CNTN5: variants seen among roughly 807,000 people sequenced by gnomAD.
CNTN5 encodes contactin-5.
In CNTN5, 77 loss-of-function variants were observed where a neutral mutation model predicts 129.1. The observed-to-expected ratio is 0.60, with a 90% CI of 0.50 to 0.72. The LOEUF (loss-of-function observed/expected upper bound fraction) is 0.72, where lower values mean the gene tolerates loss of function less well. Ranked by LOEUF, CNTN5 falls within the 30% of genes least tolerant of loss-of-function variation. CNTN5 has a pLI of 0.00. For synonymous variants in CNTN5, 509 were observed against 465.6 expected, an observed-to-expected ratio of 1.09 and a Z score of -1.20; for missense variants, 1,478 against 1,328.8, an observed-to-expected ratio of 1.11 and a Z score of -1.75.
chr11:99,706,957 A>G (rs1216198766), intron 3 of CNTN5, among the ~76,000 whole-genome samples: 1 of 151,290 alleles, frequency 6.6e-6, no homozygotes, highest in East Asian at 2.0e-4. Context: ...TTAATCTTGC[A>G]GACTATGGCT....
At chr11:100,161,357 C>CTGACT (rs1341994629) in intron 13 of CNTN5, among the ~76,000 whole-genome samples, 1 of 151,838 alleles carries the variant, frequency 6.6e-6, no homozygotes, top group Non-Finnish European at 1.5e-5. Context: ...TTCTAGCAGA[C>CTGACT]TGACTTGGTA....
At chr11:99,337,095 T>C (rs1411665517) in intron 2 of CNTN5, among the ~76,000 whole-genome samples, 1 of 152,180 alleles carries the variant, frequency 6.6e-6, no homozygotes, top group Non-Finnish European at 1.5e-5. Context: ...CTATATCTTG[T>C]CAGAGAAGGG....
At chr11:100,313,566 G>A (rs1323005837) in intron 21 of CNTN5, among the ~76,000 whole-genome samples, 1 of 152,040 alleles carries the variant, frequency 6.6e-6, no homozygotes, top group Non-Finnish European at 1.5e-5. Flanking sequence ...AAGAGGGTAA[G>A]TCAGATAGGC....
intron 1 of CNTN5, among the ~76,000 whole-genome samples, chr11:99,274,642 C>CTA (rs972022269): frequency 1.3e-5 from 2 of 151,252 alleles, no homozygotes; most frequent in South Asian, 2.1e-4. Flanking sequence ...ATAAAAACTA[C>CTA]TATATATATA....
At position 100,050,430 on chromosome 11, in the gene CNTN5, A is replaced by G. The variant is rs540644218; in HGVS notation, c.981-10782A>G. Among the ~76,000 whole-genome samples the G allele has an allele frequency of 8.1e-3, 1,224 of 150,900 alleles. 13 individuals are homozygous for G. The highest frequency in any genetic ancestry group is 0.025 in the African/African-American group (1,036 of 41,258). ...CATAGGTGGGAATTGAACAATGAGAACACATGGACACAGGAAGGGGAACAT... is the reference window on the plus strand; with the variant it reads ...CATAGGTGGGAATTGAACAATGAGAGCACATGGACACAGGAAGGGGAACAT... On this transcript the variant is annotated intron_variant, in intron 9 of 24. Coordinates refer to ENST00000524871, the MANE Select transcript of CNTN5 (RefSeq NM_014361.4).
At chr11:100,214,252 A>G (rs972629523) in intron 15 of CNTN5, among the ~76,000 whole-genome samples, 1 of 152,196 alleles carries the variant, frequency 6.6e-6, no homozygotes, top group African/African-American at 2.4e-5. Flanking sequence ...ATGTCTGCCA[A>G]TATGCGTATT....
At chr11:100,179,063 G>A (rs549323345) in intron 13 of CNTN5, among the ~76,000 whole-genome samples, 1 of 152,208 alleles carries the variant, frequency 6.6e-6, no homozygotes, top group East Asian at 1.9e-4. Context: ...ATTTCTTTGT[G>A]TTGTGAACAT....
intron 3 of CNTN5, among the ~76,000 whole-genome samples, chr11:99,593,322 C>A (rs1263568189): frequency 6.6e-6 from 1 of 152,128 alleles, no homozygotes; most frequent in African/African-American, 2.4e-5. Flanking sequence ...CTCTGTGTTC[C>A]AGGCCAACAA....
intron 9 of CNTN5, among the ~76,000 whole-genome samples, chr11:100,015,350 T>C (rs915176141): frequency 2.0e-5 from 3 of 152,174 alleles, no homozygotes; most frequent in Admixed American, 6.6e-5. Flanking sequence ...GGTTCTAGCA[T>C]GTTGAGTTGC....
chr11:99,267,504 A>C (rs929042958), intron 1 of CNTN5, among the ~76,000 whole-genome samples: 17 of 152,154 alleles, frequency 1.1e-4, no homozygotes, highest in African/African-American at 3.9e-4. Flanking sequence ...AAGTGAGAGA[A>C]AGAAATTTAA....
At chr11:99,091,098 C>G (rs1400298391) in intron 1 of CNTN5, among the ~76,000 whole-genome samples, 2 of 147,322 alleles carry the variant, frequency 1.4e-5, no homozygotes, top group Non-Finnish European at 3.0e-5. Flanking sequence ...GAAATGAAAT[C>G]GAGACCTAAA....
At chr11:99,224,589 T>TGG (rs1204255008) in intron 1 of CNTN5, among the ~76,000 whole-genome samples, 2 of 151,706 alleles carry the variant, frequency 1.3e-5, no homozygotes, top group Non-Finnish European at 2.9e-5. Context: ...TTGTGCCAGC[T>TGG]GGTGAGAATG....
At chr11:99,512,393 TATG>T (rs1946872105) in intron 2 of CNTN5, among the ~76,000 whole-genome samples, 1 of 152,170 alleles carries the variant, frequency 6.6e-6, no homozygotes, top group Admixed American at 6.6e-5. Context: ...AAAGTATATT[TATG>T]ATGTTTTCAC....
chr11:99,131,539 A>T (rs982417313), intron 1 of CNTN5, among the ~76,000 whole-genome samples: 11 of 152,120 alleles, frequency 7.2e-5, no homozygotes, highest in African/African-American at 2.4e-4. Flanking sequence ...AGAAGATTCA[A>T]ATATACGATG....
At chr11:100,002,221 T>G in intron 9 of CNTN5, 85 bp downstream of exon 9, 1 of 869,338 alleles carries the variant, frequency 1.2e-6, no homozygotes, top group Non-Finnish European at 1.7e-6. Context: ...TTTTGCTAGG[T>G]GTCATTTCCC....
chr11:99,867,278 T>C (rs1948381930), intron 6 of CNTN5, among the ~76,000 whole-genome samples: 1 of 152,222 alleles, frequency 6.6e-6, no homozygotes, highest in African/African-American at 2.4e-5. Context: ...TGTTCTTAAG[T>C]AAACATGTAT....
chr11:99,293,178 A>C (rs1206839878), intron 1 of CNTN5, among the ~76,000 whole-genome samples: 1 of 152,104 alleles, frequency 6.6e-6, no homozygotes, highest in African/African-American at 2.4e-5. Context: ...CATCTGTGGA[A>C]ATGATCATAC....
At chr11:99,658,882 C>A in intron 3 of CNTN5, among the ~76,000 whole-genome samples, 2 of 76,910 alleles carry the variant, frequency 2.6e-5, no homozygotes, top group Non-Finnish European at 5.2e-5. Context: ...GAGTGAAACT[C>A]TGTCTCAAAA....
At chr11:100,244,804 T>C (rs553818425) in intron 16 of CNTN5, among the ~76,000 whole-genome samples, 1 of 152,310 alleles carries the variant, frequency 6.6e-6, no homozygotes, top group Non-Finnish European at 1.5e-5. Flanking sequence ...TTTGTTTACC[T>C]ATCTGGCTGT....
Sources: gnomAD v4.1 joint callset for allele counts (sites outside exome capture counted in the v4.1 genomes callset) on GRCh38, gnomAD v4.1.1 for gene constraint, MANE v1.5 for transcripts, NCBI Gene and HGNC (gene_info 2026-07-23, HGNC 2026-07-21) for gene names.